SNX2: variants seen among roughly 807,000 people sequenced by gnomAD.
SNX2 encodes sorting nexin 2, also known as sorting nexin-2.
A neutral mutation model predicts 69.9 loss-of-function variants in SNX2; 25 were observed. That is an observed-to-expected ratio of 0.36 (90% CI 0.26 to 0.50). The LOEUF is 0.50. Among genes scored for constraint, SNX2 ranks in the 20% least tolerant of loss-of-function variants. The probability of loss-of-function intolerance (pLI) is 0.97; values close to 1 mark genes in which losing one functional copy is unlikely to be tolerated. For missense variants in SNX2, 551 were observed against 613.3 expected (o/e 0.90, Z 1.07); for synonymous variants, 229 against 200.4 (o/e 1.14, Z -1.20).
intron 6 of SNX2, among the ~76,000 whole-genome samples, chr5:122,805,134 T>C (rs36092743): frequency 0.2 from 30,797 of 151,436 alleles, 3,538 homozygotes; most frequent in East Asian, 0.46. Flanking sequence ...TCTACAAAAA[T>C]ACAAAAATTA....
At chr5:122,777,842 A>G (rs570078546) in intron 1 of SNX2, among the ~76,000 whole-genome samples, 3 of 152,344 alleles carry the variant, frequency 2.0e-5, no homozygotes, top group East Asian at 1.9e-4. Flanking sequence ...GTGTTGGAAC[A>G]TTCAAAATCT....
At chr5:122,795,133 G>T in intron 1 of SNX2, 133 bp from the exon 2 acceptor site, 1 of 621,302 alleles carries the variant, frequency 1.6e-6, no homozygotes, top group Admixed American at 2.6e-5. Flanking sequence ...CTCAGAGGAG[G>T]ATATATAAAT....
At chr5:122,795,426 T>C in intron 2 of SNX2, 43 bp downstream of exon 2, 1 of 1,255,664 alleles carries the variant, frequency 8.0e-7, no homozygotes. Context: ...TCAATTGCAG[T>C]ATATTTTCTA....
intron 7 of SNX2, among the ~76,000 whole-genome samples, chr5:122,810,532 A>G (rs1375989745): frequency 6.6e-6 from 1 of 152,126 alleles, no homozygotes; most frequent in Non-Finnish European, 1.5e-5. Flanking sequence ...GTAAATTTGA[A>G]GTATTTCAGA....
chr5:122,829,800 ACACACACACACT>A lies in SNX2; in HGVS notation c.*154_*165del. ...TACACACACACACACACACACACAC[ACACACACACACT>A]CTGACATTTTATTACAAGCTGCATG... is the stretch of plus-strand genomic sequence containing the variant. On this transcript the variant is annotated 3_prime_UTR_variant, in exon 15 of 15. Coordinates refer to ENST00000379516, the MANE Select transcript of SNX2 (RefSeq NM_003100.4). The A allele has an allele frequency of 1.8e-6, 1 of 549,922 alleles. No homozygotes were observed. The highest frequency in any genetic ancestry group is 3.2e-6 in the Non-Finnish European group (1 of 308,222). The allele number at this position is 549,922 out of a possible 1,614,324, so 34.1% of individuals were successfully genotyped here.
At chr5:122,806,168 A>ACACACACACACACACACC (rs1491247026) in intron 6 of SNX2, among the ~76,000 whole-genome samples, 18 of 145,762 alleles carry the variant, frequency 1.2e-4, no homozygotes, top group East Asian at 2.1e-4. Flanking sequence ...ACACACACAC[A>ACACACACACACACACACC]GCCCACCATT....
rs10559762 is a variant in SNX2 at position 122,823,779 on chromosome 5, C to CGTGTGT, written c.1213-2244_1213-2239dup. On this transcript the variant is annotated intron_variant, in intron 11 of 14. Transcript: ENST00000379516. ...TGTCTTAAGCTTTCCAACATGTGGT[C>CGTGTGT]GTGTGTGTGTGTGTGTGTGTGTGTG... is the stretch of plus-strand genomic sequence containing the variant. 1.7e-3 allele frequency among the ~76,000 whole-genome samples: 243 copies of CGTGTGT among 145,916 alleles called. 2 individuals carry two copies. The highest frequency in any genetic ancestry group is 2.8e-3 in the African/African-American group (110 of 39,734).
intron 1 of SNX2, among the ~76,000 whole-genome samples, chr5:122,790,805 C>T (rs1753216433): frequency 6.6e-6 from 1 of 152,160 alleles, no homozygotes; most frequent in African/African-American, 2.4e-5. Flanking sequence ...GGGTCACCTA[C>T]CAAGAAAAGC....
At chr5:122,804,946 T>C (rs1753602947) in intron 6 of SNX2, among the ~76,000 whole-genome samples, 1 of 152,158 alleles carries the variant, frequency 6.6e-6, no homozygotes, top group Admixed American at 6.5e-5. Flanking sequence ...TCTGAAAGTT[T>C]TTTTGTTTTT....
chr5:122,800,290 T>C (rs564643403), intron 3 of SNX2, among the ~76,000 whole-genome samples: 5 of 152,314 alleles, frequency 3.3e-5, no homozygotes, highest in African/African-American at 1.2e-4. Context: ...TTGGCAGTAA[T>C]TTCTGACAAG....
At position 122,806,138 on chromosome 5, in the gene SNX2, G is replaced by GCGCGCGCA. The variant is rs1554063156; in HGVS notation, c.644-2134_644-2133insGCACGCGC. Among the ~76,000 whole-genome samples, 40 of 61,580 alleles carry GCGCGCGCA rather than the reference G, an allele frequency of 6.5e-4. 2 individuals carry two copies. Among genetic ancestry groups the GCGCGCGCA allele is most frequent in the Non-Finnish European group, 1.1e-3 (29 of 26,212 alleles). The allele number at this position is 61,580 out of a possible 152,430, so 40.4% of individuals were successfully genotyped here. ...CGTGTGTGTATATATATACACACGC[G>GCGCGCGCA]CGCGCACACACACACACACACACAC... On this transcript the variant is annotated intron_variant, in intron 6 of 14. Transcript: ENST00000379516.
chr5:122,822,560 A>G (rs1169178133), intron 11 of SNX2, among the ~76,000 whole-genome samples: 2 of 152,224 alleles, frequency 1.3e-5, no homozygotes, highest in Admixed American at 1.3e-4. Context: ...ATATAGAGCC[A>G]TTGTTAGGAT....
chr5:122,795,716 A>T (rs1753362327), intron 2 of SNX2: 1 of 169,748 alleles, frequency 5.9e-6, no homozygotes, highest in Non-Finnish European at 1.3e-5. Flanking sequence ...TATTGCTTAG[A>T]AGTTGTCCCA....
intron 1 of SNX2, among the ~76,000 whole-genome samples, chr5:122,787,249 G>A (rs1195184538): frequency 2.0e-5 from 3 of 152,194 alleles, no homozygotes; most frequent in Admixed American, 6.5e-5. Context: ...GCTGGGTGTG[G>A]TGGCTCACGC....
At chr5:122,786,465 T>G (rs9327279) in intron 1 of SNX2, among the ~76,000 whole-genome samples, 94,269 of 151,550 alleles carry the variant, frequency 0.62, 29,706 homozygotes, top group African/African-American at 0.71. Flanking sequence ...TTATCTACTA[T>G]GTATTTGTTT....
At chr5:122,817,604 G>C (rs983806592) in intron 10 of SNX2, among the ~76,000 whole-genome samples, 5 of 151,610 alleles carry the variant, frequency 3.3e-5, no homozygotes, top group Admixed American at 6.6e-5. Context: ...TTTGTTAACT[G>C]GTACAGATGT....
chr5:122,832,160 C>T lies in SNX2; in HGVS notation c.*2512C>T, dbSNP rs565735956. The stretch of plus-strand genomic sequence containing the variant: ...TGAGATCAAAAGTTAAAGACCAAGG[C>T]AGCAAAATATTGTGAAACAAGCTGA... On this transcript the variant is annotated 3_prime_UTR_variant, in exon 15 of 15. Transcript: ENST00000379516. Among the ~76,000 whole-genome samples, 1 of 151,074 alleles carries T rather than the reference C, an allele frequency of 6.6e-6. No individual in the cohort carries two copies. Among genetic ancestry groups the T allele is most frequent in the African/African-American group, 2.5e-5 (1 of 40,424 alleles).
intron 1 of SNX2, among the ~76,000 whole-genome samples, chr5:122,794,939 T>C (rs531396436): frequency 1.8e-4 from 28 of 152,100 alleles, no homozygotes; most frequent in Non-Finnish European, 3.1e-4. Context: ...GGAAGGATCA[T>C]TTGAGCCTGG....
At chr5:122,795,653 G>C in intron 2 of SNX2, 1 of 267,772 alleles carries the variant, frequency 3.7e-6, no homozygotes, top group Admixed American at 5.2e-5. Context: ...AGATGCAAAA[G>C]ACTAATCATT....
Sources: gnomAD v4.1 joint callset for allele counts (sites outside exome capture counted in the v4.1 genomes callset) on GRCh38, gnomAD v4.1.1 for gene constraint, MANE v1.5 for transcripts, NCBI Gene and HGNC (gene_info 2026-07-23, HGNC 2026-07-21) for gene names.